MLLT3: variants seen among roughly 807,000 people sequenced by gnomAD.
MLLT3 encodes the protein protein AF-9.
Under a neutral mutation model 53.2 loss-of-function variants are expected in MLLT3, and 4 were observed. The observed-to-expected ratio is 0.08, with a 90% CI of 0.04 to 0.17. The LOEUF (loss-of-function observed/expected upper bound fraction) is 0.17. Among genes scored for constraint, MLLT3 ranks in the 10% least tolerant of loss-of-function variants. The pLI is 1.00. For missense variants in MLLT3, 569 were observed against 684.0 expected, an observed-to-expected ratio of 0.83 and a Z score of 1.87; for synonymous variants, 283 against 230.6, an observed-to-expected ratio of 1.23 and a Z score of -2.06.
In MLLT3 at chr9:20,552,119, T is replaced by C. The variant is rs1818940058; in HGVS notation, c.193+68535A>G. 2.0e-5 allele frequency among the ~76,000 whole-genome samples: 3 copies of C among 152,206 alleles called. No homozygotes were observed. The South Asian group carries it at 6.2e-4, about 31-fold the overall frequency. ...CCACTTTCCTTTTATAAAGCTCTGA[T>C]CAATTCTCAGAAGCATATTGGCAGA... On this transcript the variant is annotated intron_variant, in intron 2 of 10. Coordinates refer to ENST00000380338, the MANE Select transcript of MLLT3 (RefSeq NM_004529.4).
At chr9:20,350,871 T>G (rs1821009413) in intron 10 of MLLT3, among the ~76,000 whole-genome samples, 1 of 152,162 alleles carries the variant, frequency 6.6e-6, no homozygotes, top group Non-Finnish European at 1.5e-5. Context: ...GGTCTGATTA[T>G]AATTTCAAAA....
chr9:20,580,226 T>C (rs1184632862), intron 2 of MLLT3, among the ~76,000 whole-genome samples: 1 of 149,932 alleles, frequency 6.7e-6, no homozygotes, highest in Non-Finnish European at 1.5e-5. Flanking sequence ...TTAATTAGCA[T>C]TAACTCTTAA....
chr9:20,523,205 G>A (rs1380587218), intron 2 of MLLT3, among the ~76,000 whole-genome samples: 8 of 152,146 alleles, frequency 5.3e-5, no homozygotes, highest in African/African-American at 1.2e-4. Context: ...CCAAATTCCA[G>A]AATGCCGATA....
intron 5 of MLLT3, among the ~76,000 whole-genome samples, chr9:20,370,636 G>A (rs368076421): frequency 3.3e-5 from 5 of 151,798 alleles, no homozygotes; most frequent in South Asian, 2.1e-4. Flanking sequence ...TCAGCCTCCC[G>A]AGTAGCTGGG....
In MLLT3 at chr9:20,599,693, T is replaced by C. The variant is rs115934400; in HGVS notation, c.193+20961A>G. ...TGAGTTTAAATCTTAGTTATGCCACTCTAAAAAAGGGTGACTATATAATCT... is the reference window on the plus strand; with the variant it reads ...TGAGTTTAAATCTTAGTTATGCCACCCTAAAAAAGGGTGACTATATAATCT... On this transcript the variant is annotated intron_variant, in intron 2 of 10. Coordinates refer to ENST00000380338, the MANE Select transcript of MLLT3 (RefSeq NM_004529.4). Among the ~76,000 whole-genome samples the C allele has an allele frequency of 2.0e-3, 303 of 152,186 alleles. 2 individuals are homozygous for C. Among genetic ancestry groups the C allele is most frequent in the African/African-American group, 7.2e-3 (298 of 41,528 alleles).
chr9:20,418,524 G>C (rs1822932249), intron 4 of MLLT3: 1 of 152,210 alleles, frequency 6.6e-6, no homozygotes, highest in Admixed American at 6.5e-5. Context: ...AGCAGGCAGT[G>C]GCCTGAAGAA....
At chr9:20,509,347 C>G (rs548218831) in intron 2 of MLLT3, among the ~76,000 whole-genome samples, 1 of 152,202 alleles carries the variant, frequency 6.6e-6, no homozygotes. Context: ...TTATTCTGTT[C>G]AAAGTTCAGC....
At chr9:20,517,023 T>G (rs933380177) in intron 2 of MLLT3, among the ~76,000 whole-genome samples, 3 of 152,184 alleles carry the variant, frequency 2.0e-5, no homozygotes, top group African/African-American at 7.2e-5. Context: ...CTTACGCAGT[T>G]TTTGTATTTT....
chr9:20,371,371 T>C (rs534244696), intron 5 of MLLT3, among the ~76,000 whole-genome samples: 2 of 152,356 alleles, frequency 1.3e-5, no homozygotes, highest in Admixed American at 6.5e-5. Context: ...AGAGCTTTCA[T>C]AGCTAGAGAG....
At chr9:20,358,358 A>G (rs955508142) in intron 8 of MLLT3, among the ~76,000 whole-genome samples, 2 of 152,238 alleles carry the variant, frequency 1.3e-5, no homozygotes, top group African/African-American at 2.4e-5. Context: ...CCATGCTTAC[A>G]AGTGCATGGA....
At chr9:20,515,739 C>T (rs183504947) in intron 2 of MLLT3, among the ~76,000 whole-genome samples, 38 of 152,230 alleles carry the variant, frequency 2.5e-4, no homozygotes, top group Admixed American at 1.0e-3. Flanking sequence ...AAGTGGCCAC[C>T]TCTACTATGG....
At position 20,621,856 on chromosome 9, in the gene MLLT3, C is replaced by T. The variant is rs913751153; in HGVS notation, c.12+389G>A. The T allele has an allele frequency of 1.4e-6, 2 of 1,383,244 alleles. No homozygotes were observed. The highest frequency in any genetic ancestry group is 1.9e-6 in the Non-Finnish European group (2 of 1,077,866). 85.7% of individuals were successfully genotyped at this position (1,383,244 alleles called of 1,614,324 possible). A position where few individuals can be genotyped will look rare whatever the true frequency, so the allele number is the denominator to read the frequency against. Reference sequence around the variant, plus strand: ...CCCGGACTGTGCCCGCAGCTCCCGGCGGCGGCGGCTGAAATATGGCTGAGT... The same window carrying T: ...CCCGGACTGTGCCCGCAGCTCCCGGTGGCGGCGGCTGAAATATGGCTGAGT... On this transcript the variant is annotated intron_variant, in intron 1 of 10. Transcript: ENST00000380338. The surrounding 1 kb of genome is among the most constrained non-coding windows in gnomAD (Gnocchi z 7.0).
chr9:20,445,094 T>TA lies in MLLT3; in HGVS notation c.420+3028dup, dbSNP rs564170222. ...CAACAGAGTGAGACTCCATCTCAAT[T>TA]AAAAAAAAAAAGTTCGTCGGGCTAG... On this transcript the variant is annotated intron_variant, in intron 4 of 10. Transcript: ENST00000380338. Among the ~76,000 whole-genome samples the TA allele has an allele frequency of 1.6e-3, 226 of 145,184 alleles. 2 individuals are homozygous for TA. Among genetic ancestry groups the TA allele is most frequent in the African/African-American group, 1.9e-3 (77 of 39,768 alleles).
intron 2 of MLLT3, among the ~76,000 whole-genome samples, chr9:20,530,725 G>A (rs993667629): frequency 2.0e-4 from 31 of 152,148 alleles, no homozygotes; most frequent in African/African-American, 7.2e-4. Flanking sequence ...CTACATCCTG[G>A]GTTTCAATCG....
chr9:20,502,784 T>C (rs1353039219), intron 2 of MLLT3, among the ~76,000 whole-genome samples: 2 of 152,192 alleles, frequency 1.3e-5, no homozygotes, highest in African/African-American at 4.8e-5. Flanking sequence ...GGAATGACTG[T>C]AGACAAACAA....
chr9:20,613,917 A>C lies in MLLT3; in HGVS notation c.193+6737T>G, dbSNP rs528917401. Among the ~76,000 whole-genome samples, 54 of 152,322 alleles carry C rather than the reference A, an allele frequency of 3.5e-4. No homozygotes were observed. The East Asian group carries it at 9.5e-3, about 27-fold the overall frequency. On this transcript the variant is annotated intron_variant, in intron 2 of 10. Coordinates refer to ENST00000380338, the MANE Select transcript of MLLT3 (RefSeq NM_004529.4). ...TTAACATAAACAAATTATTAGAAAA[A>C]CCATTAAAATGAATGTCAAAGATGT...
At chr9:20,506,892 A>G (rs1825395226) in intron 2 of MLLT3, among the ~76,000 whole-genome samples, 1 of 152,220 alleles carries the variant, frequency 6.6e-6, no homozygotes, top group Non-Finnish European at 1.5e-5. Flanking sequence ...ACCTAATTTG[A>G]TTAATTGAAA....
At chr9:20,501,837 T>G (rs1016965621) in intron 2 of MLLT3, among the ~76,000 whole-genome samples, 1 of 150,502 alleles carries the variant, frequency 6.6e-6, no homozygotes, top group East Asian at 1.9e-4. Context: ...TCCCAGCATT[T>G]TGAGAAGCCA....
In MLLT3 at chr9:20,580,849, G is replaced by C. The variant is rs1387772315; in HGVS notation, c.193+39805C>G. Reference sequence around the variant, plus strand: ...GAGCACCCCTCCCTCCAGTTCAGAGGAACTGAACCAGAACTACAACAATTT... The same window carrying C: ...GAGCACCCCTCCCTCCAGTTCAGAGCAACTGAACCAGAACTACAACAATTT... On this transcript the variant is annotated intron_variant, in intron 2 of 10. Transcript: ENST00000380338. 3.3e-5 allele frequency among the ~76,000 whole-genome samples: 5 copies of C among 152,252 alleles called. No individual in the cohort carries two copies. The East Asian group carries it at 9.6e-4, about 29-fold the overall frequency.
Sources: gnomAD v4.1 joint callset for allele counts (sites outside exome capture counted in the v4.1 genomes callset) on GRCh38, gnomAD v4.1.1 for gene constraint, Gnocchi (gnomAD v3.1) non-coding constraint, MANE v1.5 for transcripts, NCBI Gene and HGNC (gene_info 2026-07-23, HGNC 2026-07-21) for gene names.